Variants in AKAP6 observed in about 807,000 individuals in gnomAD.
AKAP6 encodes the protein A-kinase anchor protein 6.
AKAP6 carries 58 observed loss-of-function variants against 188.5 expected under a neutral mutation model. The ratio of observed to expected loss-of-function variants is 0.31; its 90% confidence interval spans 0.25 to 0.38. AKAP6 has a LOEUF of 0.38. Among genes scored for constraint, AKAP6 ranks in the 10% least tolerant of loss-of-function variants. AKAP6 has a pLI of 1.00. For missense variants in AKAP6, 2,710 were observed against 2,740.0 expected (o/e 0.99, Z 0.24); for synonymous variants, 989 against 998.6 (o/e 0.99, Z 0.18).
At chr14:32,611,611 G>C (rs1188908256) in intron 7 of AKAP6, among the ~76,000 whole-genome samples, 1 of 152,156 alleles carries the variant, frequency 6.6e-6, no homozygotes, top group East Asian at 1.9e-4. Flanking sequence ...GAAAGCCTAG[G>C]GTAATTGAGA....
chr14:32,487,052 T>G (rs905932754), intron 2 of AKAP6, among the ~76,000 whole-genome samples: 2 of 152,220 alleles, frequency 1.3e-5, no homozygotes, highest in Admixed American at 6.5e-5. Context: ...ATCCCAGGCC[T>G]TTTCTGCCTC....
chr14:32,376,986 C>T (rs530776424), intron 1 of AKAP6, among the ~76,000 whole-genome samples: 5 of 152,300 alleles, frequency 3.3e-5, no homozygotes, highest in South Asian at 2.1e-4. Flanking sequence ...TGAGCCACCG[C>T]GCCCAGCCTG....
chr14:32,427,758 C>T (rs12432844), intron 1 of AKAP6, among the ~76,000 whole-genome samples: 134,902 of 152,170 alleles, frequency 0.89, 60,595 homozygotes, highest in Middle Eastern at 0.95. Context: ...ATTCAGTGTC[C>T]ATATGAATAG....
chr14:32,511,334 C>G (rs1881248110), intron 2 of AKAP6, among the ~76,000 whole-genome samples: 1 of 149,874 alleles, frequency 6.7e-6, no homozygotes, highest in African/African-American at 2.4e-5. Flanking sequence ...TTCTTTAATT[C>G]ATTCTGTTTA....
chr14:32,511,652 C>T (rs1170238609), intron 2 of AKAP6, among the ~76,000 whole-genome samples: 1 of 152,186 alleles, frequency 6.6e-6, no homozygotes, highest in East Asian at 1.9e-4. Flanking sequence ...GCTAGGATTA[C>T]AGGTTGTATT....
intron 2 of AKAP6, among the ~76,000 whole-genome samples, chr14:32,510,433 TA>T (rs1881163954): frequency 1.3e-5 from 1 of 78,146 alleles, no homozygotes; most frequent in Non-Finnish European, 2.6e-5. Flanking sequence ...TACATATATA[TA>T]TGTGTATATA....
At chr14:32,440,083 A>G (rs1890520189) in intron 2 of AKAP6, among the ~76,000 whole-genome samples, 1 of 152,212 alleles carries the variant, frequency 6.6e-6, no homozygotes, top group African/African-American at 2.4e-5. Context: ...GAATAATGAT[A>G]AGTGCTATGT....
chr14:32,603,526 GC>G (rs1886016589), intron 7 of AKAP6, among the ~76,000 whole-genome samples: 1 of 152,136 alleles, frequency 6.6e-6, no homozygotes, highest in African/African-American at 2.4e-5. Context: ...GCCTACCCAG[GC>G]TCTTCCTCAG....
rs1022179223 is a variant in AKAP6 at position 32,736,786 on chromosome 14, C to A, written c.3372+904C>A. Reference sequence around the variant, plus strand: ...CCTTGCCTGCAATCATCCAGTAATCCGTCAGAAAATTTAGTCACATGTGAT... The same window carrying A: ...CCTTGCCTGCAATCATCCAGTAATCAGTCAGAAAATTTAGTCACATGTGAT... On this transcript the variant is annotated intron_variant, in intron 11 of 13. Coordinates refer to ENST00000280979, the MANE Select transcript of AKAP6 (RefSeq NM_004274.5). 6.0e-5 allele frequency among the ~76,000 whole-genome samples: 8 copies of A among 134,016 alleles called. No individual in the cohort carries two copies. In the South Asian group the frequency reaches 2.3e-3, roughly 38 times the overall value. The allele number at this position is 134,016 out of a possible 152,430, so 87.9% of individuals were successfully genotyped here. A position where few individuals can be genotyped will look rare whatever the true frequency, so the allele number is the denominator to read the frequency against.
chr14:32,530,421 G>A (rs1408936507), intron 2 of AKAP6, among the ~76,000 whole-genome samples: 2 of 152,084 alleles, frequency 1.3e-5, no homozygotes, highest in African/African-American at 4.8e-5. Flanking sequence ...GGTGCCAAGT[G>A]TTGCTTCAGT....
At chr14:32,752,489 T>C (rs904886206) in intron 11 of AKAP6, among the ~76,000 whole-genome samples, 2 of 152,208 alleles carry the variant, frequency 1.3e-5, no homozygotes, top group African/African-American at 4.8e-5. Flanking sequence ...ACCTCCCAGC[T>C]TTATTAAGGT....
At chr14:32,674,941 G>T (rs1183042434) in intron 7 of AKAP6, among the ~76,000 whole-genome samples, 1 of 152,136 alleles carries the variant, frequency 6.6e-6, no homozygotes, top group Non-Finnish European at 1.5e-5. Flanking sequence ...GAGGGAGAAT[G>T]ACTGATAATC....
rs186108569 is a variant in AKAP6 at position 32,405,958 on chromosome 14, A to G, written c.-34-27502A>G. ...AAATTCCAAGTGTCCATGAAGAATG[A>G]CAGAATTGATATAACTCAAGTTTCA... On this transcript the variant is annotated intron_variant, in intron 1 of 13. Coordinates refer to ENST00000280979, the MANE Select transcript of AKAP6 (RefSeq NM_004274.5). 6.0e-3 allele frequency among the ~76,000 whole-genome samples: 911 copies of G among 152,336 alleles called. 3 individuals carry two copies. The highest frequency in any genetic ancestry group is 9.7e-3 in the Non-Finnish European group (661 of 68,032).
At chr14:32,549,135 A>T (rs1050036621) in intron 4 of AKAP6, among the ~76,000 whole-genome samples, 19 of 152,198 alleles carry the variant, frequency 1.2e-4, no homozygotes, top group African/African-American at 4.3e-4. Flanking sequence ...AACAACCCTG[A>T]TATTAACCTT....
chr14:32,693,498 C>T (rs1017457414), intron 8 of AKAP6: 2 of 152,208 alleles, frequency 1.3e-5, no homozygotes, highest in Non-Finnish European at 2.9e-5. Flanking sequence ...TCTACAACAT[C>T]CCCACTCCAG....
intron 12 of AKAP6, among the ~76,000 whole-genome samples, chr14:32,777,604 C>T (rs996752561): frequency 6.6e-6 from 1 of 151,876 alleles, no homozygotes; most frequent in Non-Finnish European, 1.5e-5. Flanking sequence ...AATTTGTAAA[C>T]CTGAAAACAT....
At chr14:32,626,766 T>A (rs1887041806) in intron 7 of AKAP6, among the ~76,000 whole-genome samples, 1 of 152,142 alleles carries the variant, frequency 6.6e-6, no homozygotes, top group Non-Finnish European at 1.5e-5. Flanking sequence ...TCGCATTTGA[T>A]GCATCCCCTC....
chr14:32,786,298 C>CTTTTTTTTTTTTTTTTTTTTTTTTTTTT (rs1162974012), intron 12 of AKAP6, among the ~76,000 whole-genome samples: 1 of 82,552 alleles, frequency 1.2e-5, no homozygotes, highest in Non-Finnish European at 2.1e-5. Flanking sequence ...AAACCTTTAT[C>CTTTTTTTTTTTTTTTTTTTTTTTTTTTT]TTTTTTTTTT....
chr14:32,444,619 A>T (rs1422650659), intron 2 of AKAP6, among the ~76,000 whole-genome samples: 1 of 152,180 alleles, frequency 6.6e-6, no homozygotes, highest in African/African-American at 2.4e-5. Flanking sequence ...AATATGTGAA[A>T]TTCAATATGG....
Sources: allele counts gnomAD v4.1 joint callset (sites outside exome capture counted in the v4.1 genomes callset), GRCh38; gene constraint gnomAD v4.1.1; transcripts MANE v1.5; gene names NCBI Gene and HGNC (gene_info 2026-07-23, HGNC 2026-07-21).